The following ZNF761 variants were observed in gnomAD, a reference collection of about 807,000 sequenced individuals.
The protein encoded by ZNF761 is zinc finger protein 761.
A neutral mutation model predicts 59.9 loss-of-function variants in ZNF761; 43 were observed. The observed-to-expected ratio is 0.72, with a 90% CI of 0.56 to 0.92. The LOEUF is 0.92. Among genes scored for constraint, ZNF761 ranks in the 40% least tolerant of loss-of-function variants. The pLI is 0.00. For synonymous variants in ZNF761, 294 were observed against 304.8 expected (o/e 0.96, Z 0.37); for missense variants, 850 against 906.1 (o/e 0.94, Z 0.79).
chr19:53,450,701 G>C (rs942326667), intron 4 of ZNF761, among the ~76,000 whole-genome samples: 1 of 151,710 alleles, frequency 6.6e-6, no homozygotes, highest in Non-Finnish European at 1.5e-5. Flanking sequence ...TCCGCCTCTC[G>C]GGTTCAAATG....
At chr19:53,439,143 C>T (rs941552516) in intron 1 of ZNF761, among the ~76,000 whole-genome samples, 33 of 151,826 alleles carry the variant, frequency 2.2e-4, no homozygotes, top group African/African-American at 8.0e-4. Flanking sequence ...TGGTGGCAGG[C>T]GCCTGTAATC....
chr19:53,434,958 G>A (rs918610944), intron 1 of ZNF761, among the ~76,000 whole-genome samples: 4 of 152,086 alleles, frequency 2.6e-5, no homozygotes, highest in African/African-American at 4.8e-5. Flanking sequence ...TTGCTGGTCC[G>A]GGTTCCTTTT....
intron 2 of ZNF761, among the ~76,000 whole-genome samples, chr19:53,446,694 A>T (rs12151321): frequency 6.9e-6 from 1 of 144,350 alleles, no homozygotes; most frequent in Non-Finnish European, 1.6e-5. Context: ...TTTTTCGTAG[A>T]GACAGGGTTT....
Position 53,456,544 on chromosome 19 carries a change from C to A in ZNF761, c.2037C>A (p.Cys679Ter). Residue 679 changes from cysteine to a stop codon, truncating the protein, a stop_gained, in exon 5 of 5, where the codon TGC becomes TGA. Transcript: ENST00000684525. LOFTEE classifies it high-confidence loss of function. Reference sequence around the variant, plus strand: ...TTAGTCGGAAGTCATATTTTATATGCCATCATAGACTTCATACTGGAGAGA... The same window carrying A: ...TTAGTCGGAAGTCATATTTTATATGACATCATAGACTTCATACTGGAGAGA... Reference protein sequence around the residue: ...KTFSRKSYFICHHRLHTGEKP... With the variant: ...KTFSRKSYFI The A allele has an allele frequency of 6.2e-7, 1 of 1,610,730 alleles. No individual in the cohort carries two copies. The highest frequency in any genetic ancestry group is 8.5e-7 in the Non-Finnish European group (1 of 1,178,358).
At position 53,447,274 on chromosome 19, in the gene ZNF761, T is replaced by A. The variant is rs762900309; in HGVS notation, c.6T>A (p.Ala2=). 6.2e-7 allele frequency: 1 copy of A among 1,612,174 alleles called. No individual in the cohort carries two copies. Among genetic ancestry groups the A allele is most frequent in the Admixed American group, 1.7e-5 (1 of 59,956 alleles). The change falls in exon 3 of 5, where the codon GCT becomes GCA. Residue 2 remains alanine, a synonymous_variant. Coordinates refer to ENST00000684525, the MANE Select transcript of ZNF761 (RefSeq NM_001289951.2). ...GGAGAGCAAAGGAGTCAGGGATGGC[T>A]TTTTCTCAGGTGAGATGATATTTTC... is the stretch of plus-strand genomic sequence containing the variant. M[A]FSQGLLTFRD...
chr19:53,447,251 A>C lies in ZNF761; in HGVS notation c.-18A>C, dbSNP rs1301377772. 1.2e-6 allele frequency: 2 copies of C among 1,612,422 alleles called. No homozygotes were observed. The highest frequency in any genetic ancestry group is 4.5e-5 in the East Asian group (2 of 44,880). On this transcript the variant is annotated 5_prime_UTR_variant, in exon 3 of 5. Coordinates refer to ENST00000684525, the MANE Select transcript of ZNF761 (RefSeq NM_001289951.2). Reference sequence around the variant, plus strand: ...GGAAGAAACCCGGAAGAGGAAGAGGAGAGCAAAGGAGTCAGGGATGGCTTT... The same window carrying C: ...GGAAGAAACCCGGAAGAGGAAGAGGCGAGCAAAGGAGTCAGGGATGGCTTT...
intron 4 of ZNF761, among the ~76,000 whole-genome samples, chr19:53,452,243 G>A (rs1225060264): frequency 1.3e-5 from 2 of 152,158 alleles, no homozygotes; most frequent in Non-Finnish European, 2.9e-5. Context: ...AGCACTTTGG[G>A]AGGCTGAGAG....
chr19:53,435,795 G>A (rs1204532334), intron 1 of ZNF761, among the ~76,000 whole-genome samples: 1 of 152,048 alleles, frequency 6.6e-6, no homozygotes. Context: ...TATCCAGCAA[G>A]GACAGAAGAG....
intron 2 of ZNF761, among the ~76,000 whole-genome samples, chr19:53,446,921 A>C (rs1409260597): frequency 6.6e-6 from 1 of 152,098 alleles, no homozygotes; most frequent in Non-Finnish European, 1.5e-5. Context: ...CAGACCCAGC[A>C]TCTGCATGGG....
Position 53,448,899 on chromosome 19 carries a change from T to C in ZNF761, c.16-613T>C, listed in dbSNP as rs927815559. Among the ~76,000 whole-genome samples the C allele has an allele frequency of 2.8e-4, 43 of 152,078 alleles. 1 individual carries two copies. The highest frequency in any genetic ancestry group is 1.9e-3 in the South Asian group (9 of 4,816). On this transcript the variant is annotated intron_variant, in intron 3 of 4. Transcript: ENST00000684525. ...GCAATTCTCCTGCATCAGCCTCCCA[T>C]GTAGCTGGGATAACAGGCATGTGCC...
At chr19:53,440,631 T>A (rs1021748406) in intron 1 of ZNF761, among the ~76,000 whole-genome samples, 11 of 152,168 alleles carry the variant, frequency 7.2e-5, no homozygotes, top group Middle Eastern at 6.8e-3. Context: ...GGCAATGAAG[T>A]GGGAAAAAAA....
chr19:53,454,247 A>G (rs2086244288), intron 4 of ZNF761, among the ~76,000 whole-genome samples: 1 of 152,238 alleles, frequency 6.6e-6, no homozygotes, highest in Admixed American at 6.5e-5. Flanking sequence ...ATTTACCAAT[A>G]TAGTATATCG....
chr19:53,432,292 T>C (rs1212474336), intron 1 of ZNF761, among the ~76,000 whole-genome samples: 3 of 152,136 alleles, frequency 2.0e-5, no homozygotes, highest in Admixed American at 6.5e-5. Flanking sequence ...AACCTTTTTC[T>C]GACTCCTCCC....
At chr19:53,441,007 C>A (rs576226846) in intron 1 of ZNF761, among the ~76,000 whole-genome samples, 2 of 152,340 alleles carry the variant, frequency 1.3e-5, no homozygotes, top group South Asian at 4.1e-4. Flanking sequence ...GATATCAAAA[C>A]GTGGTGGCCC....
Position 53,456,405 on chromosome 19 carries a change from C to T in ZNF761, c.1898C>T (p.Pro633Leu), listed in dbSNP as rs767000843. 6.2e-7 allele frequency: 1 copy of T among 1,612,056 alleles called. No homozygotes were observed. The highest frequency in any genetic ancestry group is 1.3e-5 in the African/African-American group (1 of 74,304). Reference protein sequence around the residue: ...CHRRLHTGEKPYKCEECDKAF... With the variant: ...CHRRLHTGEKLYKCEECDKAF... ...CGTAGACTTCATACCGGAGAGAAAC[C>T]TTACAAATGTGAAGAATGTGACAAA... The change falls in exon 5 of 5, where the codon CCT becomes CTT. Residue 633 changes from proline to leucine, a missense_variant. Coordinates refer to ENST00000684525, the MANE Select transcript of ZNF761 (RefSeq NM_001289951.2).
rs768585318 is a variant in ZNF761 at position 53,449,495 on chromosome 19, A to G, written c.16-17A>G. ...CTCCTCTCATAACCATTTGGTTAAAATGTGTTTTCATTTCAGGGTCTATTG... is the reference window on the plus strand; with the variant it reads ...CTCCTCTCATAACCATTTGGTTAAAGTGTGTTTTCATTTCAGGGTCTATTG... On this transcript the variant is annotated splice_polypyrimidine_tract_variant and intron_variant, in intron 3 of 4. Coordinates refer to ENST00000684525, the MANE Select transcript of ZNF761 (RefSeq NM_001289951.2). The G allele has an allele frequency of 1.2e-6, 2 of 1,614,026 alleles. No individual in the cohort carries two copies. The highest frequency in any genetic ancestry group is 3.3e-5 in the Admixed American group (2 of 60,012).
rs2086250410 is a variant in ZNF761 at position 53,454,847 on chromosome 19, A to T, written c.340A>T (p.Thr114Ser). The T allele has an allele frequency of 2.5e-6, 4 of 1,614,194 alleles. No individual in the cohort carries two copies. The highest frequency in any genetic ancestry group is 3.4e-6 in the Non-Finnish European group (4 of 1,180,040). The change falls in exon 5 of 5, where the codon ACA becomes TCA. Residue 114 changes from threonine to serine, a missense_variant. Coordinates refer to ENST00000684525, the MANE Select transcript of ZNF761 (RefSeq NM_001289951.2). ...DERNGHEAPM[T>S]KIKKLTGITE... ...AAGAAATGGCCATGAAGCACCCATG[A>T]CAAAAATCAAAAAGTTGACAGGTAT...
chr19:53,450,419 G>C (rs2147138974), intron 4 of ZNF761: 1 of 152,268 alleles, frequency 6.6e-6, no homozygotes, highest in South Asian at 2.1e-4. Context: ...CCAGTCTTTG[G>C]TTTCTGAATG....
In ZNF761 at chr19:53,454,739, G is replaced by A. The variant is rs1482411430; in HGVS notation, c.232G>A (p.Glu78Lys). 6.2e-7 allele frequency: 1 copy of A among 1,614,114 alleles called. No individual in the cohort carries two copies. The highest frequency in any genetic ancestry group is 1.7e-5 in the Admixed American group (1 of 60,020). Residue 78 changes from glutamate (E) to lysine (K), a missense_variant, in exon 5 of 5, where the codon GAA becomes AAA. Glu to Lys is a moderately conservative substitution (Grantham distance 56). Coordinates refer to ENST00000684525, the MANE Select transcript of ZNF761 (RefSeq NM_001289951.2). ...VFHAGTLQIH[E>K]SHHNGDFCYQ... ...CCATGCAGGGACATTGCAAATACAT[G>A]AAAGTCATCACAATGGAGATTTTTG... is the stretch of plus-strand genomic sequence containing the variant.
Sources: allele counts gnomAD v4.1 joint callset (sites outside exome capture counted in the v4.1 genomes callset), GRCh38; gene constraint gnomAD v4.1.1; transcripts MANE v1.5; gene names NCBI Gene and HGNC (gene_info 2026-07-23, HGNC 2026-07-21).